NEK8: variants seen among roughly 807,000 people sequenced by gnomAD.
NEK8 encodes NIMA related kinase 8, also known as serine/threonine-protein kinase Nek8.
A neutral mutation model predicts 77.2 loss-of-function variants in NEK8; 51 were observed. The ratio of observed to expected loss-of-function variants is 0.66; its 90% CI spans 0.53 to 0.83. The LOEUF (loss-of-function observed/expected upper bound fraction) is 0.83. Among genes scored for constraint, NEK8 ranks in the 40% least tolerant of loss-of-function variants. NEK8 has a pLI of 0.00. For missense variants in NEK8, 787 were observed against 909.2 expected, an observed-to-expected ratio of 0.87 and a Z score of 1.73; for synonymous variants, 365 against 363.2, an observed-to-expected ratio of 1.00 and a Z score of -0.06.
intron 1 of NEK8, among the ~76,000 whole-genome samples, chr17:28,729,180 C>T (rs1268467089): frequency 6.6e-6 from 1 of 152,252 alleles, no homozygotes; most frequent in African/African-American, 2.4e-5. Context: ...GTGGTCTTTT[C>T]CCTCTTGGAA....
rs2034414671 is a variant in NEK8 at position 28,740,943 on chromosome 17, C to T, written c.1690C>T (p.Leu564=). 1 of 1,614,050 alleles carries T rather than the reference C, an allele frequency of 6.2e-7. No homozygotes were observed. The highest frequency in any genetic ancestry group is 1.1e-5 in the South Asian group (1 of 91,092). Residue 564 remains leucine, a synonymous_variant, in exon 12 of 15, where the codon CTG becomes TTG. Transcript: ENST00000268766. This position sits in a 1 kb window ranked among gnomAD's most constrained non-coding sequence, Gnocchi z 4.7. Reference sequence around the variant, plus strand: ...TGCACCCCTGGACCAGGAGCCTCTGCTGAGTATAGACCTGGGCACTGCTCA... The same window carrying T: ...TGCACCCCTGGACCAGGAGCCTCTGTTGAGTATAGACCTGGGCACTGCTCA... The part of the protein sequence containing the change: ...GSAPLDQEPL[L]SIDLGTAHSA...
At chr17:28,729,201 G>C (rs2034281489) in intron 1 of NEK8, among the ~76,000 whole-genome samples, 1 of 152,276 alleles carries the variant, frequency 6.6e-6, no homozygotes, top group Non-Finnish European at 1.5e-5. Context: ...CTTACTGACT[G>C]TGGGAAAGTT....
At chr17:28,733,267 A>G (rs2034327907) in intron 1 of NEK8, among the ~76,000 whole-genome samples, 1 of 152,134 alleles carries the variant, frequency 6.6e-6, no homozygotes, top group East Asian at 1.9e-4. Flanking sequence ...GAGCAAGGAA[A>G]GGTTTGGAGG....
Position 28,738,748 on chromosome 17 carries a change from G to A in NEK8, c.1299+1G>A, listed in dbSNP as rs1348540273. On this transcript the variant is annotated splice_donor_variant, in intron 9 of 14. Transcript: ENST00000268766. LOFTEE classifies it high-confidence loss of function. ...TGGCAGCCTCACTGACATCAGCCAG[G>A]TGGGTGTCACATATACCTTGGGAAG... 6.2e-7 allele frequency: 1 copy of A among 1,612,892 alleles called. No homozygotes were observed. Among genetic ancestry groups the A allele is most frequent in the Non-Finnish European group, 8.5e-7 (1 of 1,178,812 alleles).
intron 3 of NEK8, 62 bp downstream of exon 3, chr17:28,735,066 T>C (rs2034350015): frequency 6.6e-7 from 1 of 1,510,052 alleles, no homozygotes; most frequent in African/African-American, 1.4e-5. Context: ...GACCTAACCC[T>C]GCCTCCTCCC....
Position 28,741,916 on chromosome 17 carries a change from C to T in NEK8, c.2051-43C>T. 1.2e-6 allele frequency: 2 copies of T among 1,609,466 alleles called. No homozygotes were observed. Among genetic ancestry groups the T allele is most frequent in the Non-Finnish European group, 1.7e-6 (2 of 1,175,766 alleles). The stretch of plus-strand genomic sequence containing the variant: ...AGGTGGGTGATGATTTCTGGAGGCA[C>T]TGCCCTCAGAAGCTGCAAGGGTTTC... On this transcript the variant is annotated intron_variant, in intron 14 of 14. Transcript: ENST00000268766. The surrounding 1 kb of genome is among the most constrained non-coding windows in gnomAD (Gnocchi z 4.5).
chr17:28,735,854 C>A (rs944567856), intron 4 of NEK8, among the ~76,000 whole-genome samples: 8 of 151,980 alleles, frequency 5.3e-5, no homozygotes, highest in African/African-American at 1.9e-4. Context: ...TATACATGTG[C>A]GATGTTGGTG....
At position 28,737,585 on chromosome 17, in the gene NEK8, A is replaced by G; in HGVS notation, c.827+71A>G. 6.2e-7 allele frequency: 1 copy of G among 1,613,514 alleles called. No homozygotes were observed. Among genetic ancestry groups the G allele is most frequent in the East Asian group, 2.2e-5 (1 of 44,876 alleles). ...ACCCAGTGGGAGCACAGGAGGTCTG[A>G]GGCAGAGGGAAACCTGGGGCAAGTC... is the stretch of plus-strand genomic sequence containing the variant. On this transcript the variant is annotated intron_variant, in intron 5 of 14. Coordinates refer to ENST00000268766, the MANE Select transcript of NEK8 (RefSeq NM_178170.3). This position sits in a 1 kb window ranked among gnomAD's most constrained non-coding sequence, Gnocchi z 4.8.
At position 28,741,560 on chromosome 17, in the gene NEK8, T is replaced by G. The variant is rs756730454; in HGVS notation, c.2039T>G (p.Leu680Arg). The change falls in exon 14 of 15, where the codon CTG becomes CGG. Residue 680 changes from leucine (L) to arginine (R), a missense_variant. Leu to Arg is a moderately radical substitution (Grantham distance 102). Coordinates refer to ENST00000268766, the MANE Select transcript of NEK8 (RefSeq NM_178170.3). This position sits in a 1 kb window ranked among gnomAD's most constrained non-coding sequence, Gnocchi z 4.5. ...TCCTGTTGCCATGGAAACACCCTCCTGGCTGTTCGATGTGAGTTGTAACTT... is the reference window on the plus strand; with the variant it reads ...TCCTGTTGCCATGGAAACACCCTCCGGGCTGTTCGATGTGAGTTGTAACTT... ...SVSCCHGNTL[L>R]AVRSVTDEPV... The G allele has an allele frequency of 1.7e-5, 27 of 1,614,124 alleles. No homozygotes were observed. The highest frequency in any genetic ancestry group is 2.3e-5 in the Non-Finnish European group (27 of 1,180,012).
Position 28,741,337 on chromosome 17 carries a change from C to T in NEK8, c.1892-76C>T. The T allele has an allele frequency of 6.3e-7, 1 of 1,599,752 alleles. No homozygotes were observed. Among genetic ancestry groups the T allele is most frequent in the East Asian group, 2.2e-5 (1 of 44,448 alleles). On this transcript the variant is annotated intron_variant, in intron 13 of 14. Coordinates refer to ENST00000268766, the MANE Select transcript of NEK8 (RefSeq NM_178170.3). The surrounding 1 kb of genome is among the most constrained non-coding windows in gnomAD (Gnocchi z 4.5). ...ACTCTGGAGCCTCCCAGGGGCCATC[C>T]TGGCAATGTGGGAGGGGAGATCCTG...
rs748643938 is a variant in NEK8, at chr17:28,738,183, G to A, written c.1160G>A (p.Gly387Asp). Residue 387 changes from glycine (G) to aspartate (D), a missense_variant, in exon 8 of 15, where the codon GGC (glycine) becomes GAC (aspartate). By Grantham distance (94) the Gly-to-Asp change is moderately conservative (BLOSUM62 -1). Transcript: ENST00000268766. ...CAGTTCATCTCGCGTTTCCTGGAGG[G>A]CCAGTCGGGTGTGACCATCAAGCAC... ...QPQFISRFLE[G>D]QSGVTIKHVA... 1.9e-6 allele frequency: 3 copies of A among 1,614,068 alleles called. No homozygotes were observed. The highest frequency in any genetic ancestry group is 2.5e-6 in the Non-Finnish European group (3 of 1,180,024).
In NEK8 at chr17:28,735,018, G is replaced by T; in HGVS notation, c.486+14G>T. 1 of 1,593,936 alleles carries T rather than the reference G, an allele frequency of 6.3e-7. No homozygotes were observed. Reference sequence around the variant, plus strand: ...AAGGCCTACACGGTGCCTGGGCATGGAAGGGACCTCCAGGGCACTAGAAGT... The same window carrying T: ...AAGGCCTACACGGTGCCTGGGCATGTAAGGGACCTCCAGGGCACTAGAAGT... On this transcript the variant is annotated intron_variant, in intron 3 of 14. Transcript: ENST00000268766.
At chr17:28,735,414 G>A (rs774255234) in intron 4 of NEK8, 43 bp downstream of exon 4, 2 of 1,597,140 alleles carry the variant, frequency 1.3e-6, no homozygotes, top group East Asian at 2.3e-5. Flanking sequence ...GAAATCTACT[G>A]CCTCGCCCAG....
At position 28,738,009 on chromosome 17, in the gene NEK8, G is replaced by C. The variant is rs1202241019; in HGVS notation, c.1071+9G>C. On this transcript the variant is annotated intron_variant, in intron 7 of 14. Transcript: ENST00000268766. ...GTCTCATCCTGTGGGAGGTGAGCAG[G>C]CCAGGGGGTGGCCTGGATGGGTGGA... 1 of 1,612,730 alleles carries C rather than the reference G, an allele frequency of 6.2e-7. No individual in the cohort carries two copies.
intron 1 of NEK8, among the ~76,000 whole-genome samples, chr17:28,729,918 G>A (rs1483207265): frequency 6.6e-6 from 1 of 152,132 alleles, no homozygotes; most frequent in Non-Finnish European, 1.5e-5. Flanking sequence ...AACTTTTCAG[G>A]CAAAGGAAAT....
intron 4 of NEK8, among the ~76,000 whole-genome samples, chr17:28,736,514 T>C (rs1321926782): frequency 1.3e-5 from 2 of 152,254 alleles, no homozygotes; most frequent in Non-Finnish European, 2.9e-5. Flanking sequence ...TTTGCATTTC[T>C]TGATGGCCAG....
rs2034339972 is a variant in NEK8 at position 28,734,338 on chromosome 17, CCT to C, written c.253+155_253+156del. The C allele has an allele frequency of 6.9e-6, 5 of 721,932 alleles. No homozygotes were observed. In the South Asian group the frequency reaches 7.9e-5, roughly 11 times the overall value. 44.7% of individuals were successfully genotyped at this position (721,932 alleles called of 1,614,324 possible). ...TATCTGACCCCGGCTAGCCCCTTGT[CCT>C]CTCTGGTCCCAGTGCCCTGTTCCAT... On this transcript the variant is annotated intron_variant, in intron 2 of 14. Transcript: ENST00000268766.
rs1052596453 is a variant in NEK8 at position 28,738,127 on chromosome 17, C to T, written c.1104C>T (p.Leu368=). The T allele has an allele frequency of 3.7e-6, 6 of 1,613,986 alleles. No individual in the cohort carries two copies. The Admixed American group carries it at 1.0e-4, about 27-fold the overall frequency. The change falls in exon 8 of 15, where the codon CTC becomes CTT. Residue 368 remains leucine, a synonymous_variant. Coordinates refer to ENST00000268766, the MANE Select transcript of NEK8 (RefSeq NM_178170.3). ...APPLGAGGGS[L]LPGAVEQPQP... is the part of the protein sequence containing the mutation. ...CCCTAGGTGCAGGCGGAGGCAGTCT[C>T]CTTCCTGGGGCAGTGGAGCAGCCAC...
At position 28,737,742 on chromosome 17, in the gene NEK8, T is replaced by C. The variant is rs1007557929; in HGVS notation, c.889+6T>C. The C allele has an allele frequency of 3.7e-6, 6 of 1,614,094 alleles. No homozygotes were observed. The highest frequency in any genetic ancestry group is 5.1e-6 in the Non-Finnish European group (6 of 1,179,996). ...CACCAGTGTCCGCTGCAGAGGTAAG[T>C]GGGAAGAGGCCGCCAGTCCCCATGG... On this transcript the variant is annotated splice_donor_region_variant and intron_variant, in intron 6 of 14. Coordinates refer to ENST00000268766, the MANE Select transcript of NEK8 (RefSeq NM_178170.3). This position sits in a 1 kb window ranked among gnomAD's most constrained non-coding sequence, Gnocchi z 4.8.
Sources: gnomAD v4.1 joint callset for allele counts (sites outside exome capture counted in the v4.1 genomes callset) on GRCh38, gnomAD v4.1.1 for gene constraint, Gnocchi (gnomAD v3.1) non-coding constraint, MANE v1.5 for transcripts, NCBI Gene and HGNC (gene_info 2026-07-23, HGNC 2026-07-21) for gene names.